PLCE1: variants seen among roughly 807,000 people sequenced by gnomAD.
PLCE1 encodes the protein phospholipase C epsilon 1.
A neutral mutation model predicts 242.8 loss-of-function variants in PLCE1; 119 were observed. The ratio of observed to expected loss-of-function variants is 0.49; its 90% CI spans 0.42 to 0.57. PLCE1 has a LOEUF of 0.57. Ranked by LOEUF, PLCE1 falls within the 20% of genes least tolerant of loss-of-function variation. The probability of loss-of-function intolerance (pLI) is 0.00; values close to 1 mark genes in which losing one functional copy is unlikely to be tolerated. For synonymous variants in PLCE1, 945 were observed against 1,017.4 expected (o/e 0.93, Z 1.35); for missense variants, 2,441 against 2,788.8 (o/e 0.88, Z 2.81).
At chr10:94,022,837 C>T (rs2061395568) in intron 1 of PLCE1, among the ~76,000 whole-genome samples, 1 of 151,994 alleles carries the variant, frequency 6.6e-6, no homozygotes, top group Admixed American at 6.6e-5. Context: ...TTAAGTAATC[C>T]AGATCTTAAT....
At chr10:94,326,837 A>C (rs1364443813) in intron 32 of PLCE1, among the ~76,000 whole-genome samples, 1 of 152,138 alleles carries the variant, frequency 6.6e-6, no homozygotes, top group Non-Finnish European at 1.5e-5. Context: ...ATTTAGAATC[A>C]TTCTGTTAAC....
At chr10:94,245,825 T>C in intron 7 of PLCE1, 121 bp from the exon 8 acceptor site, 1 of 830,592 alleles carries the variant, frequency 1.2e-6, no homozygotes, top group Non-Finnish European at 2.0e-6. Context: ...GTATTTTGTA[T>C]TTCCTATGCT....
Position 94,121,523 on chromosome 10 carries a change from A to G in PLCE1, c.1207-10651A>G, listed in dbSNP as rs1167044066. On this transcript the variant is annotated intron_variant, in intron 2 of 32. Coordinates refer to ENST00000371380, the MANE Select transcript of PLCE1 (RefSeq NM_016341.4). ...CTCTAAAGATTCAGGTATTTATGCT[A>G]TTATGACCATTTGGGTATTCAGGGC... is the stretch of plus-strand genomic sequence containing the variant. Among the ~76,000 whole-genome samples the G allele has an allele frequency of 2.0e-5, 3 of 152,186 alleles. No homozygotes were observed. The East Asian group carries it at 5.8e-4, about 29-fold the overall frequency.
At chr10:94,274,459 C>T (rs925652307) in intron 19 of PLCE1, among the ~76,000 whole-genome samples, 1 of 152,168 alleles carries the variant, frequency 6.6e-6, no homozygotes, top group Non-Finnish European at 1.5e-5. Flanking sequence ...ACATCCGAAC[C>T]TGCATATTCC....
chr10:94,200,467 C>A (rs2797997), intron 4 of PLCE1, among the ~76,000 whole-genome samples: 104,662 of 152,040 alleles, frequency 0.69, 37,520 homozygotes, highest in South Asian at 0.81. Context: ...ATATTATAAC[C>A]AAAAGTATAA....
At position 94,325,108 on chromosome 10, in the gene PLCE1, T is replaced by C. The variant is rs778289709; in HGVS notation, c.*24+4T>C. The C allele has an allele frequency of 4.4e-6, 7 of 1,593,624 alleles. No homozygotes were observed. Among genetic ancestry groups the C allele is most frequent in the Non-Finnish European group, 6.0e-6 (7 of 1,161,476 alleles). On this transcript the variant is annotated splice_donor_region_variant and intron_variant, in intron 32 of 32. Transcript: ENST00000371380. ...AAGGGCAGCATGTTTAACCCAGGTA[T>C]AGTAAGTCATTGCACCATCCTGGAA... is the stretch of plus-strand genomic sequence containing the variant.
chr10:94,008,173 C>T (rs928801367), intron 1 of PLCE1, among the ~76,000 whole-genome samples: 1 of 105,512 alleles, frequency 9.5e-6, no homozygotes, highest in Non-Finnish European at 1.7e-5. Context: ...GCCTGGACAA[C>T]AGAGTGAGAC....
At chr10:94,002,094 A>G (rs112420353) in intron 1 of PLCE1, among the ~76,000 whole-genome samples, 2,338 of 151,922 alleles carry the variant, frequency 0.015, 27 homozygotes, top group African/African-American at 0.031. Context: ...GGATTGGTAA[A>G]TCTAGAGGTA....
chr10:94,012,405 C>T (rs974484384), intron 1 of PLCE1, among the ~76,000 whole-genome samples: 1 of 151,970 alleles, frequency 6.6e-6, no homozygotes, highest in South Asian at 2.1e-4. Context: ...ATAAACTAGA[C>T]TTCCCTGTGC....
At chr10:94,270,417 A>G (rs1489801597) in intron 17 of PLCE1, 69 bp from the exon 18 acceptor site, 13 of 992,904 alleles carry the variant, frequency 1.3e-5, no homozygotes, top group South Asian at 1.0e-4. Flanking sequence ...TTCTGTGGCT[A>G]TAACTACCCT....
At chr10:94,307,077 A>T (rs938513175) in intron 26 of PLCE1, among the ~76,000 whole-genome samples, 3 of 152,192 alleles carry the variant, frequency 2.0e-5, no homozygotes, top group Admixed American at 6.5e-5. Flanking sequence ...GGTGCCTGGC[A>T]GAAGTCCAGT....
At chr10:94,003,502 C>A (rs1038714281) in intron 1 of PLCE1, among the ~76,000 whole-genome samples, 8 of 152,296 alleles carry the variant, frequency 5.3e-5, no homozygotes, top group African/African-American at 2.4e-5. Context: ...TCAGTTGTAT[C>A]TCTAAAATAG....
intron 4 of PLCE1, among the ~76,000 whole-genome samples, chr10:94,216,112 T>G (rs577695734): frequency 2.6e-5 from 4 of 152,216 alleles, no homozygotes; most frequent in Non-Finnish European, 5.9e-5. Flanking sequence ...ATGCAAATGA[T>G]AAGGACATAT....
At chr10:94,300,172 T>G (rs533094856) in intron 24 of PLCE1, among the ~76,000 whole-genome samples, 141 of 152,312 alleles carry the variant, frequency 9.3e-4, no homozygotes, top group African/African-American at 2.8e-3. Flanking sequence ...CATTTGGTTT[T>G]GGATGTGCCC....
intron 2 of PLCE1, among the ~76,000 whole-genome samples, chr10:94,111,897 C>T (rs984316125): frequency 2.6e-5 from 4 of 152,102 alleles, no homozygotes; most frequent in African/African-American, 4.8e-5. Flanking sequence ...TTATGGCTGT[C>T]GCAGTTTTGC....
At chr10:94,018,294 C>T (rs905719624) in intron 1 of PLCE1, among the ~76,000 whole-genome samples, 2 of 152,178 alleles carry the variant, frequency 1.3e-5, no homozygotes, top group Non-Finnish European at 1.5e-5. Flanking sequence ...TCTTCCCCCT[C>T]GTTGCCAGGC....
At chr10:94,022,216 A>G (rs2061386809) in intron 1 of PLCE1, among the ~76,000 whole-genome samples, 1 of 152,016 alleles carries the variant, frequency 6.6e-6, no homozygotes, top group Non-Finnish European at 1.5e-5. Context: ...TGTTGTCTAT[A>G]AATAACAATT....
At chr10:94,309,918 T>G (rs1375962814) in intron 27 of PLCE1, among the ~76,000 whole-genome samples, 1 of 152,080 alleles carries the variant, frequency 6.6e-6, no homozygotes, top group Non-Finnish European at 1.5e-5. Context: ...CCCAGCTACC[T>G]GGGAGGCTGA....
intron 14 of PLCE1, among the ~76,000 whole-genome samples, chr10:94,264,317 G>C (rs964604832): frequency 1.3e-5 from 2 of 151,998 alleles, no homozygotes; most frequent in African/African-American, 4.8e-5. Flanking sequence ...AGCAAGCTGG[G>C]GGTTTATGAG....
Sources: allele counts gnomAD v4.1 joint callset (sites outside exome capture counted in the v4.1 genomes callset), GRCh38; gene constraint gnomAD v4.1.1; transcripts MANE v1.5; gene names NCBI Gene and HGNC (gene_info 2026-07-23, HGNC 2026-07-21).